Variants in CFLAR observed in about 807,000 individuals in gnomAD.
The protein encoded by CFLAR is CASP8 and FADD-like apoptosis regulator.
CFLAR carries 14 observed loss-of-function variants against 51.1 expected under a neutral mutation model. The observed-to-expected ratio is 0.27, with a 90% CI of 0.18 to 0.43. CFLAR has a LOEUF of 0.43. Ranked by LOEUF, CFLAR falls within the 20% of genes least tolerant of loss-of-function variation. The probability of loss-of-function intolerance (pLI) is 1.00; values close to 1 mark genes in which losing one functional copy is unlikely to be tolerated. For missense variants in CFLAR, 390 were observed against 566.5 expected (o/e 0.69, Z 3.16); for synonymous variants, 210 against 211.6 (o/e 0.99, Z 0.06).
At chr2:201,135,467 TA>T (rs1275738699) in intron 3 of CFLAR, among the ~76,000 whole-genome samples, 1 of 152,186 alleles carries the variant, frequency 6.6e-6, no homozygotes, top group Non-Finnish European at 1.5e-5. Context: ...CCAAAAGACT[TA>T]CCACCACCTC....
rs1943947426 is a variant in CFLAR, at chr2:201,170,493, A to G, written c.*6520A>G. On this transcript the variant is annotated 3_prime_UTR_variant, in exon 10 of 10. Coordinates refer to ENST00000309955, the MANE Select transcript of CFLAR (RefSeq NM_003879.7). Reference sequence around the variant, plus strand: ...TGTTTTATTCACTTGCTGATAATTCAGCCTAATCCAGTTTGACATCATATA... The same window carrying G: ...TGTTTTATTCACTTGCTGATAATTCGGCCTAATCCAGTTTGACATCATATA... The G allele has an allele frequency of 6.6e-6, 1 of 152,230 alleles. No homozygotes were observed. The highest frequency in any genetic ancestry group is 1.5e-5 in the Non-Finnish European group (1 of 68,036). 9.4% of individuals were successfully genotyped at this position (152,230 alleles called of 1,614,324 possible).
In CFLAR at chr2:201,140,792, T is replaced by A. The variant is rs1043273129; in HGVS notation, c.606+353T>A. On this transcript the variant is annotated intron_variant, in intron 5 of 9. Coordinates refer to ENST00000309955, the MANE Select transcript of CFLAR (RefSeq NM_003879.7). ...ATATATATATACATACATACATACATACAGTTGGACAATTGGACATTTTTT... is the reference window on the plus strand; with the variant it reads ...ATATATATATACATACATACATACAAACAGTTGGACAATTGGACATTTTTT... 3 of 161,622 alleles carry A rather than the reference T, an allele frequency of 1.9e-5. No individual in the cohort carries two copies. The Admixed American group carries it at 1.9e-4, about 10-fold the overall frequency. The allele number at this position is 161,622 out of a possible 1,614,324, so 10.0% of individuals were successfully genotyped here.
intron 6 of CFLAR, among the ~76,000 whole-genome samples, chr2:201,147,141 A>T (rs1030278923): frequency 6.6e-6 from 1 of 152,182 alleles, no homozygotes; most frequent in Non-Finnish European, 1.5e-5. Flanking sequence ...AATTGTACAG[A>T]TGAGGTAAGT....
intron 1 of CFLAR, among the ~76,000 whole-genome samples, chr2:201,117,786 A>C (rs2047761738): frequency 2.5e-5 from 3 of 118,376 alleles, no homozygotes; most frequent in African/African-American, 1.0e-4. Context: ...ACAGCATTTC[A>C]CTCTTGTTGC....
rs971545963 is a variant in CFLAR, at chr2:201,118,586, T to A, written c.-138+2105T>A. The A allele has an allele frequency of 6.6e-6, 1 of 151,990 alleles. No homozygotes were observed. The highest frequency in any genetic ancestry group is 2.1e-4 in the South Asian group (1 of 4,774). 9.4% of individuals were successfully genotyped at this position (151,990 alleles called of 1,614,324 possible). A position where few individuals can be genotyped will look rare whatever the true frequency, so the allele number is the denominator to read the frequency against. ...ATTTTACCACCCAGAGACACGCGAG[T>A]GGCCCTGTGCAAGTTTCAACTGCGC... is the stretch of plus-strand genomic sequence containing the variant. On this transcript the variant is annotated intron_variant, in intron 1 of 9. Transcript: ENST00000309955. The surrounding 1 kb of genome is among the most constrained non-coding windows in gnomAD (Gnocchi z 5.1).
rs541313244 is a variant in CFLAR, at chr2:201,163,235, T to G, written c.1305-600T>G. On this transcript the variant is annotated intron_variant, in intron 9 of 9. Transcript: ENST00000309955. ...AAGGCTTTGTTATATAAACATTTTT[T>G]TAATGTTTATTGGCAAGAATACTTT... The G allele has an allele frequency of 5.4e-6, 7 of 1,297,318 alleles. No homozygotes were observed. The African/African-American group carries it at 9.0e-5, about 17-fold the overall frequency. The allele number at this position is 1,297,318 out of a possible 1,614,324, so 80.4% of individuals were successfully genotyped here.
chr2:201,119,775 A>C (rs1290794569), intron 1 of CFLAR, among the ~76,000 whole-genome samples: 1 of 152,022 alleles, frequency 6.6e-6, no homozygotes, highest in Admixed American at 6.6e-5. Context: ...AAATACATGC[A>C]AAGTAAATAG....
At position 201,124,167 on chromosome 2, in the gene CFLAR, G is replaced by A. The variant is rs1342492426; in HGVS notation, c.-137-5562G>A. Among the ~76,000 whole-genome samples, 1 of 152,186 alleles carries A rather than the reference G, an allele frequency of 6.6e-6. No individual in the cohort carries two copies. The highest frequency in any genetic ancestry group is 2.4e-5 in the African/African-American group (1 of 41,452). Reference sequence around the variant, plus strand: ...CTGCATGCTTTGCTACTGATTACAGGGAACAATATGTGCCTTTGTTACCAG... The same window carrying A: ...CTGCATGCTTTGCTACTGATTACAGAGAACAATATGTGCCTTTGTTACCAG... On this transcript the variant is annotated intron_variant, in intron 1 of 9. Transcript: ENST00000309955. The surrounding 1 kb of genome is among the most constrained non-coding windows in gnomAD (Gnocchi z 4.7).
Position 201,174,193 on chromosome 2 carries a change from G to T in CFLAR, c.*10220G>T, listed in dbSNP as rs1221066531. The T allele has an allele frequency of 6.6e-6, 1 of 151,990 alleles. No homozygotes were observed. Among genetic ancestry groups the T allele is most frequent in the Non-Finnish European group, 1.5e-5 (1 of 68,000 alleles). 9.4% of individuals were successfully genotyped at this position (151,990 alleles called of 1,614,324 possible). On this transcript the variant is annotated 3_prime_UTR_variant, in exon 10 of 10. Coordinates refer to ENST00000309955, the MANE Select transcript of CFLAR (RefSeq NM_003879.7). ...TTGGTGTCATACCTAAAAAACCATTGTCTAAATCAATTGCCTATGAGGTGT... is the reference window on the plus strand; with the variant it reads ...TTGGTGTCATACCTAAAAAACCATTTTCTAAATCAATTGCCTATGAGGTGT...
intron 1 of CFLAR, among the ~76,000 whole-genome samples, chr2:201,123,458 T>C (rs145311387): frequency 7.2e-4 from 109 of 152,280 alleles, no homozygotes; most frequent in African/African-American, 2.6e-3. Context: ...GAACACTGCA[T>C]TCTACGGAGG....
chr2:201,123,729 A>G (rs947038087), intron 1 of CFLAR, among the ~76,000 whole-genome samples: 5 of 152,190 alleles, frequency 3.3e-5, no homozygotes, highest in Admixed American at 1.3e-4. Flanking sequence ...TCATTTTATA[A>G]CTGGGATCAT....
At chr2:201,128,031 T>G (rs1461178204) in intron 1 of CFLAR, among the ~76,000 whole-genome samples, 1 of 152,242 alleles carries the variant, frequency 6.6e-6, no homozygotes, top group Non-Finnish European at 1.5e-5. Context: ...AGCATTTCAT[T>G]TCTAGTAGTT....
rs1339932353 is a variant in CFLAR at position 201,167,006 on chromosome 2, AT to A, written c.*3035del. The A allele has an allele frequency of 6.6e-6, 1 of 152,152 alleles. No individual in the cohort carries two copies. Among genetic ancestry groups the A allele is most frequent in the Non-Finnish European group, 1.5e-5 (1 of 68,034 alleles). 9.4% of individuals were successfully genotyped at this position (152,152 alleles called of 1,614,324 possible). A position where few individuals can be genotyped will look rare whatever the true frequency, so the allele number is the denominator to read the frequency against. ...AGGGCTATTTTTAAAATTTTTTAAA[AT>A]TGCTGAACAGGGGTACCTCTGGGCA... is the stretch of plus-strand genomic sequence containing the variant. On this transcript the variant is annotated 3_prime_UTR_variant, in exon 10 of 10. Transcript: ENST00000309955.
chr2:201,157,109 C>T (rs1456007993), intron 8 of CFLAR, among the ~76,000 whole-genome samples: 2 of 152,210 alleles, frequency 1.3e-5, no homozygotes, highest in Non-Finnish European at 2.9e-5. Context: ...TGAATAAACA[C>T]AGTTTGCAAA....
In CFLAR at chr2:201,163,421, C is replaced by T. The variant is rs74320224; in HGVS notation, c.1305-414C>T. 2.4e-4 allele frequency: 268 copies of T among 1,116,768 alleles called. No homozygotes were observed. The African/African-American group carries it at 3.9e-3, about 16-fold the overall frequency. 69.2% of individuals were successfully genotyped at this position (1,116,768 alleles called of 1,614,324 possible). A position where few individuals can be genotyped will look rare whatever the true frequency, so the allele number is the denominator to read the frequency against. On this transcript the variant is annotated intron_variant, in intron 9 of 9. Transcript: ENST00000309955. The stretch of plus-strand genomic sequence containing the variant: ...AAATGCATTCTGGGCTGTACCTCTG[C>T]GTACCCCAGGAATAAATCTCATGGC...
At chr2:201,130,187 G>GGGGGGGGGGGGGGGC in intron 2 of CFLAR, 41 bp downstream of exon 2, 2 of 292,390 alleles carry the variant, frequency 6.8e-6, no homozygotes, top group Non-Finnish European at 1.4e-5. Flanking sequence ...GGGTGGGAGG[G>GGGGGGGGGGGGGGGC]AGTGAAGTGT....
chr2:201,153,860 A>T (rs1440220718), intron 8 of CFLAR, among the ~76,000 whole-genome samples: 1 of 143,490 alleles, frequency 7.0e-6, no homozygotes, highest in Non-Finnish European at 1.5e-5. Flanking sequence ...TTTTTGTTCT[A>T]CTTAGAACTA....
intron 9 of CFLAR, among the ~76,000 whole-genome samples, chr2:201,161,370 C>T (rs190446745): frequency 6.6e-6 from 1 of 151,712 alleles, no homozygotes; most frequent in Non-Finnish European, 1.5e-5. Context: ...GACCTTGTCT[C>T]CAATAAACAA....
chr2:201,163,795 T>A (rs1464151688), intron 9 of CFLAR, 40 bp from the exon 10 acceptor site: 27 of 1,582,844 alleles, frequency 1.7e-5, no homozygotes, highest in Non-Finnish European at 2.3e-5. Context: ...CTCTTTGATA[T>A]TTGCATGGCA....
Sources: gnomAD v4.1 joint callset for allele counts (sites outside exome capture counted in the v4.1 genomes callset) on GRCh38, gnomAD v4.1.1 for gene constraint, Gnocchi (gnomAD v3.1) non-coding constraint, MANE v1.5 for transcripts, NCBI Gene and HGNC (gene_info 2026-07-23, HGNC 2026-07-21) for gene names.